Variants in CCDC91 observed in about 807,000 individuals in gnomAD.
The protein encoded by CCDC91 is coiled-coil domain containing 91.
Under a neutral mutation model 63.2 loss-of-function variants are expected in CCDC91, and 48 were observed. The observed-to-expected ratio is 0.76, with a 90% CI of 0.60 to 0.97. CCDC91 has a LOEUF of 0.97. Ranked by LOEUF, CCDC91 falls within the 50% of genes least tolerant of loss-of-function variation. The pLI, the probability that CCDC91 is intolerant of heterozygous loss-of-function variation, is 0.00. For missense variants in CCDC91, 500 were observed against 494.6 expected, an observed-to-expected ratio of 1.01 and a Z score of -0.10; for synonymous variants, 167 against 165.8, an observed-to-expected ratio of 1.01 and a Z score of -0.06.
intron 1 of CCDC91, among the ~76,000 whole-genome samples, chr12:28,248,424 TATCTAAAGTGA>T (rs149860202): frequency 0.028 from 4,234 of 152,220 alleles, 166 homozygotes; most frequent in African/African-American, 0.091. Flanking sequence ...CCAGGGAGTG[TATCTAAAGTGA>T]AAGAAAGGAA....
At chr12:28,520,022 G>A (rs952248658) in intron 12 of CCDC91, among the ~76,000 whole-genome samples, 5 of 151,902 alleles carry the variant, frequency 3.3e-5, no homozygotes, top group African/African-American at 7.3e-5. Flanking sequence ...GAATAGTGCC[G>A]CAATAAACAT....
intron 12 of CCDC91, among the ~76,000 whole-genome samples, chr12:28,491,164 A>G (rs1951982753): frequency 6.6e-6 from 1 of 151,710 alleles, no homozygotes; most frequent in African/African-American, 2.4e-5. Context: ...CATCTAGTAT[A>G]TGAAAATGTT....
At chr12:28,316,636 T>C (rs1478185038) in intron 6 of CCDC91, among the ~76,000 whole-genome samples, 1 of 147,402 alleles carries the variant, frequency 6.8e-6, no homozygotes, top group Non-Finnish European at 1.5e-5. Flanking sequence ...TTTTTTCATA[T>C]AATAGCATTG....
intron 7 of CCDC91, among the ~76,000 whole-genome samples, chr12:28,371,675 C>T (rs559878024): frequency 2.0e-5 from 3 of 152,340 alleles, no homozygotes; most frequent in Admixed American, 6.5e-5. Flanking sequence ...TCCCTCCATA[C>T]CAGTGGGTTC....
intron 1 of CCDC91, among the ~76,000 whole-genome samples, chr12:28,200,942 C>G (rs1430695869): frequency 6.8e-6 from 1 of 146,240 alleles, no homozygotes; most frequent in Non-Finnish European, 1.5e-5. Flanking sequence ...GGCGGCTGGC[C>G]GGGCAGGGGG....
chr12:28,389,125 G>A (rs1383818772), intron 7 of CCDC91, among the ~76,000 whole-genome samples: 8 of 152,074 alleles, frequency 5.3e-5, no homozygotes, highest in East Asian at 3.9e-4. Context: ...ATCCGGAATC[G>A]ACAAGGAACA....
chr12:28,218,427 A>C (rs1259027252), intron 1 of CCDC91, among the ~76,000 whole-genome samples: 1 of 151,664 alleles, frequency 6.6e-6, no homozygotes, highest in Non-Finnish European at 1.5e-5. Context: ...TAAACAATTA[A>C]AATCACCAAT....
rs1565700472 is a variant in CCDC91, at chr12:28,267,855, A to AT, written c.109+8414dup. On this transcript the variant is annotated intron_variant, in intron 3 of 12. Transcript: ENST00000536442. The stretch of plus-strand genomic sequence containing the variant: ...TATAATTATATATAATTATATAGTA[A>AT]TATATAATTATATATAATTATATAT... Among the ~76,000 whole-genome samples the AT allele has an allele frequency of 2.6e-3, 82 of 30,994 alleles. 2 individuals carry two copies. The highest frequency in any genetic ancestry group is 3.6e-3 in the Non-Finnish European group (58 of 15,996). 20.3% of individuals were successfully genotyped at this position (30,994 alleles called of 152,430 possible).
At chr12:28,521,862 T>C (rs138616596) in intron 12 of CCDC91, among the ~76,000 whole-genome samples, 47 of 152,324 alleles carry the variant, frequency 3.1e-4, no homozygotes, top group Admixed American at 3.9e-4. Context: ...TCTGTTCATA[T>C]GCTGGATTAC....
intron 11 of CCDC91, among the ~76,000 whole-genome samples, chr12:28,477,866 G>T (rs936868557): frequency 6.6e-6 from 1 of 152,108 alleles, no homozygotes; most frequent in African/African-American, 2.4e-5. Flanking sequence ...ATTCACAATT[G>T]CTTCAAAGAG....
At chr12:28,232,405 C>A (rs1455252748) in intron 1 of CCDC91, among the ~76,000 whole-genome samples, 1 of 151,832 alleles carries the variant, frequency 6.6e-6, no homozygotes, top group Non-Finnish European at 1.5e-5. Context: ...ACCATGAAGT[C>A]TTTTCTTGTA....
At chr12:28,344,313 A>AT (rs1049647097) in intron 6 of CCDC91, among the ~76,000 whole-genome samples, 23 of 152,134 alleles carry the variant, frequency 1.5e-4, no homozygotes, top group African/African-American at 4.6e-4. Context: ...ATATTTGCCT[A>AT]TTTTTCCTTC....
intron 6 of CCDC91, among the ~76,000 whole-genome samples, chr12:28,340,894 A>C (rs1255452862): frequency 6.6e-6 from 1 of 152,158 alleles, no homozygotes; most frequent in African/African-American, 2.4e-5. Flanking sequence ...GTGTACTGGA[A>C]GAATTGGATC....
intron 1 of CCDC91, among the ~76,000 whole-genome samples, chr12:28,213,046 C>T (rs1943333824): frequency 1.3e-5 from 2 of 152,150 alleles, no homozygotes; most frequent in South Asian, 4.1e-4. Flanking sequence ...TGGAAAGACC[C>T]TGATGAAGCT....
At position 28,384,713 on chromosome 12, in the gene CCDC91, A is replaced by G. The variant is rs115512058; in HGVS notation, c.655-6591A>G. On this transcript the variant is annotated intron_variant, in intron 7 of 12. Transcript: ENST00000536442. ...TAAGACAAATGGAAACAAATGGTTA[A>G]AACTGATTTTTTTTTTGTACCACTG... Among the ~76,000 whole-genome samples, 1,400 of 152,246 alleles carry G rather than the reference A, an allele frequency of 9.2e-3. 26 individuals are homozygous for G. The highest frequency in any genetic ancestry group is 0.032 in the African/African-American group (1,331 of 41,564).
At chr12:28,216,041 G>C (rs1211563503) in intron 1 of CCDC91, among the ~76,000 whole-genome samples, 1 of 151,992 alleles carries the variant, frequency 6.6e-6, no homozygotes, top group African/African-American at 2.4e-5. Flanking sequence ...GTACTTAATC[G>C]TTGTTGTTTT....
rs1002637736 is a variant in CCDC91 at position 28,241,140 on chromosome 12, T to A, written c.-14-16062T>A. On this transcript the variant is annotated intron_variant, in intron 1 of 12. Coordinates refer to ENST00000536442, the MANE Select transcript of CCDC91 (RefSeq NM_018318.5). ...CCTTAATTTCCATTTCTCTAAAGAT[T>A]GGTGATGTTTAACATCTTTTTATTT... Among the ~76,000 whole-genome samples the A allele has an allele frequency of 4.6e-5, 7 of 152,204 alleles. No homozygotes were observed. In the East Asian group the frequency reaches 9.6e-4, roughly 21 times the overall value.
intron 8 of CCDC91, among the ~76,000 whole-genome samples, chr12:28,426,172 A>T (rs1319232195): frequency 6.6e-6 from 1 of 152,198 alleles, no homozygotes; most frequent in African/African-American, 2.4e-5. Context: ...AGAGAAATCC[A>T]CTATAATTCT....
chr12:28,327,573 C>G (rs1308593812), intron 6 of CCDC91, among the ~76,000 whole-genome samples: 2 of 152,124 alleles, frequency 1.3e-5, no homozygotes, highest in Non-Finnish European at 2.9e-5. Flanking sequence ...AGCCCATGTA[C>G]TTCAGCATGG....
Sources: gnomAD v4.1 joint callset for allele counts (sites outside exome capture counted in the v4.1 genomes callset) on GRCh38, gnomAD v4.1.1 for gene constraint, MANE v1.5 for transcripts, NCBI Gene and HGNC (gene_info 2026-07-23, HGNC 2026-07-21) for gene names.